The following CACNA2D4 variants were observed in gnomAD, a reference collection of about 807,000 sequenced individuals.
CACNA2D4 encodes voltage-dependent calcium channel subunit alpha-2/delta-4.
Under a neutral mutation model 163.8 loss-of-function variants are expected in CACNA2D4, and 157 were observed. The ratio of observed to expected loss-of-function variants is 0.96; its 90% CI spans 0.84 to 1.09. The LOEUF (loss-of-function observed/expected upper bound fraction) is 1.09. Among genes scored for constraint, CACNA2D4 ranks in the 50% least tolerant of loss-of-function variants. CACNA2D4 has a pLI of 0.00. For missense variants in CACNA2D4, 1,410 were observed against 1,479.9 expected (o/e 0.95, Z 0.78); for synonymous variants, 598 against 586.9 (o/e 1.02, Z -0.27).
chr12:1,815,765 T>C (rs1178701238), intron 26 of CACNA2D4, among the ~76,000 whole-genome samples: 1 of 152,158 alleles, frequency 6.6e-6, no homozygotes, highest in African/African-American at 2.4e-5. Flanking sequence ...CATTTTGCTG[T>C]GCCCTCTCAC....
At position 1,833,723 on chromosome 12, in the gene CACNA2D4, G is replaced by A. The variant is rs144074012; in HGVS notation, c.2551+7016C>T. Among the ~76,000 whole-genome samples, 7 of 152,340 alleles carry A rather than the reference G, an allele frequency of 4.6e-5. No individual in the cohort carries two copies. The highest frequency in any genetic ancestry group is 2.6e-4 in the Admixed American group (4 of 15,298). ...TTCTTAGGCAACCAAAAGGTCTTGC[G>A]TGGAGGGGCAGCGGCAGGGGCAGTG... On this transcript the variant is annotated intron_variant, in intron 26 of 37. Coordinates refer to ENST00000382722, the MANE Select transcript of CACNA2D4 (RefSeq NM_172364.5). The surrounding 1 kb of genome is among the most constrained non-coding windows in gnomAD (Gnocchi z 4.2).
intron 22 of CACNA2D4, among the ~76,000 whole-genome samples, chr12:1,854,549 G>C (rs1239501778): frequency 2.0e-5 from 3 of 152,142 alleles, no homozygotes; most frequent in African/African-American, 7.2e-5. Flanking sequence ...GGGACCACAG[G>C]TGCACACCAC....
At chr12:1,825,672 G>A (rs540783026) in intron 26 of CACNA2D4, among the ~76,000 whole-genome samples, 1 of 152,356 alleles carries the variant, frequency 6.6e-6, no homozygotes, top group East Asian at 1.9e-4. Context: ...GTGGGTGTGT[G>A]TTTGCATCAC....
rs138182159 is a variant in CACNA2D4 at position 1,900,981 on chromosome 12, T to C, written c.781+6459A>G. ...TAAGTCTTAAAACATTTCAAAAAAA[T>C]TGAAATAACATAAAGTATTTTCTCT... is the stretch of plus-strand genomic sequence containing the variant. On this transcript the variant is annotated intron_variant, in intron 6 of 37. Coordinates refer to ENST00000382722, the MANE Select transcript of CACNA2D4 (RefSeq NM_172364.5). Among the ~76,000 whole-genome samples the C allele has an allele frequency of 6.5e-4, 99 of 152,248 alleles. 1 individual carries two copies. The East Asian group carries it at 8.3e-3, about 13-fold the overall frequency.
intron 23 of CACNA2D4, 33 bp from the exon 24 acceptor site, chr12:1,846,722 C>T: frequency 1.3e-6 from 2 of 1,548,522 alleles, no homozygotes; most frequent in Non-Finnish European, 1.7e-6. Context: ...ATGGTCACCA[C>T]ATGGCTGTGG....
chr12:1,895,934 T>C (rs1341081184), intron 6 of CACNA2D4, among the ~76,000 whole-genome samples: 2 of 152,160 alleles, frequency 1.3e-5, no homozygotes, highest in Non-Finnish European at 2.9e-5. Context: ...CCACCATGCC[T>C]GGCCTCAAGC....
intron 13 of CACNA2D4, among the ~76,000 whole-genome samples, chr12:1,881,557 C>T (rs1462727333): frequency 6.6e-6 from 1 of 152,246 alleles, no homozygotes; most frequent in Admixed American, 6.5e-5. Context: ...TACTGGCAGG[C>T]AGATGAATGC....
chr12:1,851,819 A>G (rs1277029148), intron 23 of CACNA2D4, among the ~76,000 whole-genome samples: 1 of 151,778 alleles, frequency 6.6e-6, no homozygotes, highest in Admixed American at 6.6e-5. Context: ...GAGGATTAAT[A>G]TCTTTATGAT....
chr12:1,857,608 G>A (rs1470741314), intron 20 of CACNA2D4, among the ~76,000 whole-genome samples: 4 of 152,120 alleles, frequency 2.6e-5, no homozygotes, highest in Non-Finnish European at 5.9e-5. Context: ...GGGGTTCCTG[G>A]GATATCTGTG....
In CACNA2D4 at chr12:1,878,698, G is replaced by A. The variant is rs1865931559; in HGVS notation, c.1644+258C>T. On this transcript the variant is annotated intron_variant, in intron 15 of 37. Coordinates refer to ENST00000382722, the MANE Select transcript of CACNA2D4 (RefSeq NM_172364.5). The surrounding 1 kb of genome is among the most constrained non-coding windows in gnomAD (Gnocchi z 4.6). ...CAGCAGGACTGTGTGGCACGGAGGA[G>A]CAGACTGAGAAACTGAGACACTGGG... is the stretch of plus-strand genomic sequence containing the variant. 6.6e-6 allele frequency among the ~76,000 whole-genome samples: 1 copy of A among 152,218 alleles called. No homozygotes were observed. Among genetic ancestry groups the A allele is most frequent in the African/African-American group, 2.4e-5 (1 of 41,448 alleles).
At chr12:1,831,524 A>T (rs1864629888) in intron 26 of CACNA2D4, 1 of 1,610,300 alleles carries the variant, frequency 6.2e-7, no homozygotes, top group Non-Finnish European at 8.5e-7. Context: ...TCTCCTACCG[A>T]GGTGAGCGCA....
Position 1,814,763 on chromosome 12 carries a change from G to A in CACNA2D4, c.2552-3040C>T, listed in dbSNP as rs184180293. On this transcript the variant is annotated intron_variant, in intron 26 of 37. Transcript: ENST00000382722. ...CACTTGGATTAATGCAAGCACCCCC[G>A]AACTGGCCCCCGCCTTGCATCCTGC... 4.6e-5 allele frequency among the ~76,000 whole-genome samples: 7 copies of A among 152,246 alleles called. No homozygotes were observed. In the South Asian group the frequency reaches 6.2e-4, roughly 14 times the overall value.
chr12:1,853,131 G>A (rs944812214), intron 23 of CACNA2D4, among the ~76,000 whole-genome samples: 1 of 152,128 alleles, frequency 6.6e-6, no homozygotes, highest in Non-Finnish European at 1.5e-5. Flanking sequence ...TTTCCAACCA[G>A]AAACAGCTAA....
chr12:1,899,199 T>C (rs941159867), intron 6 of CACNA2D4, among the ~76,000 whole-genome samples: 3 of 152,088 alleles, frequency 2.0e-5, no homozygotes, highest in Admixed American at 1.3e-4. Flanking sequence ...TAGTGTAGAC[T>C]TAACATTTAT....
chr12:1,807,776 G>A (rs919290815), intron 29 of CACNA2D4, among the ~76,000 whole-genome samples: 16 of 152,220 alleles, frequency 1.1e-4, no homozygotes, highest in Admixed American at 1.3e-4. Flanking sequence ...GCTGTCCAGA[G>A]TGAGGAAGGA....
Position 1,907,896 on chromosome 12 carries a change from G to A in CACNA2D4, c.628C>T (p.Pro210Ser). 3 of 1,614,064 alleles carry A rather than the reference G, an allele frequency of 1.9e-6. No homozygotes were observed. Among genetic ancestry groups the A allele is most frequent in the Non-Finnish European group, 8.5e-7 (1 of 1,179,898 alleles). Residue 210 changes from proline (P) to serine (S), a missense_variant, in exon 5 of 38, where the codon CCC becomes TCC. Transcript: ENST00000382722. ...VNTSISSVQL[P>S]TNVYNKDPDI... ...CTACCTTTGTTGTACACGTTGGTGG[G>A]CAGCTGCACGCTGCTGATGGAGGTG...
chr12:1,918,569 G>C lies in CACNA2D4; in HGVS notation c.-96C>G, dbSNP rs1867058692. ...GGGGTCTCCAGCCTCTCAGTCCTGG[G>C]TGGGGAGGGCTTCTCTCTGCCCCAC... is the stretch of plus-strand genomic sequence containing the variant. On this transcript the variant is annotated 5_prime_UTR_variant, in exon 1 of 38. Coordinates refer to ENST00000382722, the MANE Select transcript of CACNA2D4 (RefSeq NM_172364.5). 2 of 931,172 alleles carry C rather than the reference G, an allele frequency of 2.1e-6. No homozygotes were observed. Among genetic ancestry groups the C allele is most frequent in the Non-Finnish European group, 3.3e-6 (2 of 613,058 alleles). 57.7% of individuals were successfully genotyped at this position (931,172 alleles called of 1,614,324 possible). A position where few individuals can be genotyped will look rare whatever the true frequency, so the allele number is the denominator to read the frequency against.
intron 26 of CACNA2D4, among the ~76,000 whole-genome samples, chr12:1,812,139 G>C (rs1261988653): frequency 6.6e-6 from 1 of 152,196 alleles, no homozygotes; most frequent in Non-Finnish European, 1.5e-5. Flanking sequence ...TGGCACCCTG[G>C]AATTCAGGGC....
intron 25 of CACNA2D4, among the ~76,000 whole-genome samples, chr12:1,842,963 T>C (rs1326422003): frequency 6.6e-6 from 1 of 152,168 alleles, no homozygotes; most frequent in African/African-American, 2.4e-5. Flanking sequence ...TGGGCTTGGA[T>C]TAGGGCAGAG....
Sources: allele counts gnomAD v4.1 joint callset (sites outside exome capture counted in the v4.1 genomes callset), GRCh38; gene constraint gnomAD v4.1.1; non-coding constraint Gnocchi (gnomAD v3.1); transcripts MANE v1.5; gene names NCBI Gene and HGNC (gene_info 2026-07-23, HGNC 2026-07-21).